Variants in ANKRD45 observed in about 807,000 individuals in gnomAD.
ANKRD45 encodes the protein ankyrin repeat domain-containing protein 45.
A neutral mutation model predicts 28.1 loss-of-function variants in ANKRD45; 21 were observed. That is an observed-to-expected ratio of 0.75 (90% CI 0.53 to 1.08). ANKRD45 has a LOEUF of 1.08. ANKRD45 is among the 50% of genes least tolerant of loss of function. ANKRD45 has a pLI of 0.00. For missense variants in ANKRD45, 261 were observed against 308.7 expected (o/e 0.85, Z 1.16); for synonymous variants, 86 against 103.9 (o/e 0.83, Z 1.05).
the ANKRD45 span, among the ~76,000 whole-genome samples, chr1:173,698,290 G>C: frequency 2.0e-5 from 3 of 152,138 alleles, no homozygotes; most frequent in African/African-American, 7.2e-5. Flanking sequence ...AGGATATCCA[G>C]GACTTGAACT....
intron 3 of ANKRD45, among the ~76,000 whole-genome samples, chr1:173,639,865 G>A (rs1043956301): frequency 6.6e-6 from 1 of 152,088 alleles, no homozygotes. Flanking sequence ...GCCCAAATTT[G>A]GGCTAATAGA....
At chr1:173,700,850 C>T in the ANKRD45 span, among the ~76,000 whole-genome samples, 1 of 152,170 alleles carries the variant, frequency 6.6e-6, no homozygotes, top group Non-Finnish European at 1.5e-5. Context: ...AGAGCTTCTG[C>T]ACAGCAAAAG....
the ANKRD45 span, among the ~76,000 whole-genome samples, chr1:173,700,943 C>T: frequency 6.6e-6 from 1 of 152,160 alleles, no homozygotes; most frequent in Non-Finnish European, 1.5e-5. Flanking sequence ...GGCTAATATC[C>T]AGAATCTACA....
chr1:173,703,758 A>G, the ANKRD45 span, among the ~76,000 whole-genome samples: 2 of 152,290 alleles, frequency 1.3e-5, no homozygotes, highest in South Asian at 2.1e-4. Context: ...TCCTGATCCA[A>G]CCCAGTCATG....
At chr1:173,704,270 T>A in the ANKRD45 span, among the ~76,000 whole-genome samples, 1 of 152,202 alleles carries the variant, frequency 6.6e-6, no homozygotes, top group Non-Finnish European at 1.5e-5. Context: ...CTTTCCCAAC[T>A]AGCACCCTGT....
the ANKRD45 span, among the ~76,000 whole-genome samples, chr1:173,699,048 A>G: frequency 6.6e-6 from 1 of 152,194 alleles, no homozygotes; most frequent in Non-Finnish European, 1.5e-5. Context: ...AAACACCTCT[A>G]CACAAATAAA....
chr1:173,697,762 G>A, the ANKRD45 span, among the ~76,000 whole-genome samples: 2 of 152,034 alleles, frequency 1.3e-5, no homozygotes, highest in East Asian at 3.8e-4. Flanking sequence ...ATCAACTAAC[G>A]GGCAAAATAA....
rs747670253 is a variant in ANKRD45 at position 173,617,341 on chromosome 1, C to T, written c.731-7126G>A. On this transcript the variant is annotated intron_variant, in intron 5 of 5. Transcript: ENST00000333279. ...CCACCTTGGAATTCCTGCCAGACAG[C>T]GCAACAGGCTGGAGACTGCCTGAGA... Among the ~76,000 whole-genome samples the T allele has an allele frequency of 4.6e-5, 7 of 152,328 alleles. No homozygotes were observed. In the South Asian group the frequency reaches 8.3e-4, roughly 18 times the overall value.
intron 1 of ANKRD45, chr1:173,669,604 C>T (rs1364184401): frequency 2.4e-6 from 1 of 419,550 alleles, no homozygotes; most frequent in Admixed American, 3.1e-5. Flanking sequence ...GGCCTGAATT[C>T]CCTAGGGACC....
the ANKRD45 span, among the ~76,000 whole-genome samples, chr1:173,681,822 T>C: frequency 9.9e-5 from 15 of 151,652 alleles, no homozygotes; most frequent in African/African-American, 3.4e-4. Context: ...GAGGCTGAGG[T>C]GGGAGGATCA....
chr1:173,683,654 T>A, the ANKRD45 span, among the ~76,000 whole-genome samples: 5 of 152,072 alleles, frequency 3.3e-5, no homozygotes, highest in African/African-American at 1.2e-4. Context: ...GTTACCAAGA[T>A]GTGAACCCCA....
chr1:173,613,514 A>T (rs1667297763), intron 5 of ANKRD45, among the ~76,000 whole-genome samples: 2 of 136,892 alleles, frequency 1.5e-5, no homozygotes, highest in Non-Finnish European at 1.6e-5. Flanking sequence ...GTGGGGGCTC[A>T]GCCCCCGCCC....
intron 4 of ANKRD45, among the ~76,000 whole-genome samples, chr1:173,625,171 A>G (rs147318439): frequency 2.8e-4 from 42 of 152,246 alleles, no homozygotes; most frequent in African/African-American, 9.4e-4. Context: ...GAATAGTCAC[A>G]TGTGGCTAGT....
chr1:173,635,145 T>C (rs762937822), intron 3 of ANKRD45, among the ~76,000 whole-genome samples: 1 of 151,958 alleles, frequency 6.6e-6, no homozygotes, highest in Non-Finnish European at 1.5e-5. Flanking sequence ...TTTAAGAAAA[T>C]TGAAGAAGCT....
chr1:173,614,040 T>C (rs1667349578), intron 5 of ANKRD45, among the ~76,000 whole-genome samples: 1 of 152,162 alleles, frequency 6.6e-6, no homozygotes, highest in South Asian at 2.1e-4. Context: ...CGGTGCAAGA[T>C]GTGCTTTGTT....
At chr1:173,694,166 T>C in the ANKRD45 span, among the ~76,000 whole-genome samples, 24,676 of 149,796 alleles carry the variant, frequency 0.16, 2,255 homozygotes, top group Middle Eastern at 0.32. Context: ...AGGATTTCAA[T>C]TTTTTTTTTC....
At chr1:173,651,377 G>A (rs1025948565) in intron 2 of ANKRD45, among the ~76,000 whole-genome samples, 17 of 152,040 alleles carry the variant, frequency 1.1e-4, no homozygotes, top group South Asian at 2.1e-4. Context: ...TGTTTTTGTC[G>A]GGTTTGTCAA....
At chr1:173,641,212 T>C (rs571168770) in intron 3 of ANKRD45, among the ~76,000 whole-genome samples, 1 of 152,312 alleles carries the variant, frequency 6.6e-6, no homozygotes, top group South Asian at 2.1e-4. Context: ...TGAAATCGAT[T>C]AAATATTCCA....
chr1:173,709,275 G>A, the ANKRD45 span, among the ~76,000 whole-genome samples: 16 of 152,186 alleles, frequency 1.1e-4, no homozygotes, highest in Admixed American at 9.2e-4. Context: ...ATGGGCTATC[G>A]GACTGAGACC....
Sources: gnomAD v4.1 joint callset for allele counts (sites outside exome capture counted in the v4.1 genomes callset) on GRCh38, gnomAD v4.1.1 for gene constraint, MANE v1.5 for transcripts, NCBI Gene and HGNC (gene_info 2026-07-23, HGNC 2026-07-21) for gene names.